The following LSAMP variants were observed in gnomAD, a reference collection of about 807,000 sequenced individuals.
The protein encoded by LSAMP is limbic system-associated membrane protein.
Under a neutral mutation model 38.6 loss-of-function variants are expected in LSAMP, and 7 were observed. The ratio of observed to expected loss-of-function variants is 0.18; its 90% CI spans 0.10 to 0.34. The LOEUF is 0.34. LSAMP is among the 10% of genes least tolerant of loss of function. The pLI is 1.00. For synonymous variants in LSAMP, 154 were observed against 166.8 expected (o/e 0.92, Z 0.59); for missense variants, 313 against 420.0 (o/e 0.75, Z 2.23).
At chr3:116,255,273 T>G (rs1323619882) in intron 1 of LSAMP, among the ~76,000 whole-genome samples, 1 of 152,094 alleles carries the variant, frequency 6.6e-6, no homozygotes, top group Non-Finnish European at 1.5e-5. Flanking sequence ...AAAAGGGCAG[T>G]TATATTTTAT....
At chr3:115,873,675 A>G (rs1473008492) in intron 3 of LSAMP, among the ~76,000 whole-genome samples, 1 of 152,164 alleles carries the variant, frequency 6.6e-6, no homozygotes, top group Non-Finnish European at 1.5e-5. Context: ...AACTTTTACC[A>G]AGTTACAGAA....
At chr3:115,909,624 T>C (rs984536649) in intron 3 of LSAMP, among the ~76,000 whole-genome samples, 4 of 152,224 alleles carry the variant, frequency 2.6e-5, no homozygotes, top group African/African-American at 7.2e-5. Context: ...TTTATTTAAA[T>C]CAAGAAATGC....
chr3:116,274,918 TTA>T (rs1254306768), intron 1 of LSAMP, among the ~76,000 whole-genome samples: 1 of 146,974 alleles, frequency 6.8e-6, no homozygotes, highest in Non-Finnish European at 1.5e-5. Context: ...AAGTATATTT[TTA>T]TAATTCAGAG....
At chr3:115,826,381 C>T (rs1413391928) in intron 6 of LSAMP, among the ~76,000 whole-genome samples, 5 of 152,132 alleles carry the variant, frequency 3.3e-5, no homozygotes, top group Admixed American at 6.5e-5. Flanking sequence ...GCTGGGATTA[C>T]AGGCATGAGC....
At chr3:115,828,231 G>T (rs1934489180) in intron 6 of LSAMP, among the ~76,000 whole-genome samples, 1 of 152,138 alleles carries the variant, frequency 6.6e-6, no homozygotes, top group Non-Finnish European at 1.5e-5. Context: ...AGGAGCCAAG[G>T]AACAGGTTAA....
chr3:116,215,696 A>C (rs1419571810), intron 1 of LSAMP, among the ~76,000 whole-genome samples: 2 of 152,158 alleles, frequency 1.3e-5, no homozygotes, highest in Admixed American at 1.3e-4. Flanking sequence ...TAATTAGAGA[A>C]GACTCCTTGA....
intron 3 of LSAMP, among the ~76,000 whole-genome samples, chr3:115,895,559 C>A (rs1167526017): frequency 1.3e-5 from 2 of 151,982 alleles, no homozygotes; most frequent in Admixed American, 1.3e-4. Flanking sequence ...CAGTATAAGA[C>A]CCCTTTGCTG....
At chr3:116,327,913 C>G (rs1220532075) in intron 1 of LSAMP, among the ~76,000 whole-genome samples, 5 of 152,126 alleles carry the variant, frequency 3.3e-5, no homozygotes, top group African/African-American at 9.7e-5. Context: ...TGAGATATTA[C>G]AAACGGTCAG....
rs539230980 is a variant in LSAMP at position 115,894,398 on chromosome 3, A to G, written c.515-41781T>C. Among the ~76,000 whole-genome samples, 27 of 152,118 alleles carry G rather than the reference A, an allele frequency of 1.8e-4. No homozygotes were observed. In the South Asian group the frequency reaches 5.6e-3, roughly 32 times the overall value. On this transcript the variant is annotated intron_variant, in intron 3 of 6. Coordinates refer to ENST00000490035, the MANE Select transcript of LSAMP (RefSeq NM_002338.5). ...CTCACAATGCATGAACTGGCCCAAG[A>G]CCCTCGGTACTCTCTGGATGAAGGA...
chr3:116,219,833 A>G (rs1363685645), intron 1 of LSAMP, among the ~76,000 whole-genome samples: 1 of 152,194 alleles, frequency 6.6e-6, no homozygotes, highest in Non-Finnish European at 1.5e-5. Context: ...CAAATAGGAC[A>G]TAAAAATGAC....
chr3:115,898,217 T>G (rs184897999), intron 3 of LSAMP, among the ~76,000 whole-genome samples: 374 of 152,286 alleles, frequency 2.5e-3, no homozygotes, highest in African/African-American at 8.6e-3. Context: ...AAGATAAATT[T>G]AGGAAACACT....
At chr3:116,169,792 T>C (rs1342215216) in intron 1 of LSAMP, among the ~76,000 whole-genome samples, 1 of 152,230 alleles carries the variant, frequency 6.6e-6, no homozygotes. Flanking sequence ...TAAATCTAAT[T>C]GACTTTTCTC....
intron 3 of LSAMP, among the ~76,000 whole-genome samples, chr3:115,870,987 A>G (rs1252892835): frequency 1.3e-5 from 2 of 152,180 alleles, no homozygotes; most frequent in Non-Finnish European, 2.9e-5. Flanking sequence ...AACTCATTAC[A>G]TGAAATCACA....
Position 116,223,354 on chromosome 3 carries a change from G to A in LSAMP, c.156-136798C>T, listed in dbSNP as rs183934215. ...TTATTGAGCACTTACACTATACCAG[G>A]AACTGTTTTAACCAGTCAAAAATTA... On this transcript the variant is annotated intron_variant, in intron 1 of 6. Coordinates refer to ENST00000490035, the MANE Select transcript of LSAMP (RefSeq NM_002338.5). Among the ~76,000 whole-genome samples the A allele has an allele frequency of 1.8e-4, 28 of 152,208 alleles. No homozygotes were observed. The East Asian group carries it at 4.4e-3, about 24-fold the overall frequency.
chr3:116,051,897 T>C (rs1311415438), intron 2 of LSAMP, among the ~76,000 whole-genome samples: 1 of 152,164 alleles, frequency 6.6e-6, no homozygotes, highest in Non-Finnish European at 1.5e-5. Flanking sequence ...GGAATACTAG[T>C]GGAACAGCTG....
intron 1 of LSAMP, among the ~76,000 whole-genome samples, chr3:116,289,395 T>C (rs2047234319): frequency 6.6e-6 from 1 of 152,238 alleles, no homozygotes; most frequent in Admixed American, 6.5e-5. Context: ...AATTTCTACC[T>C]GTATTTAACT....
intron 1 of LSAMP, among the ~76,000 whole-genome samples, chr3:116,111,572 G>A (rs1176049739): frequency 6.6e-6 from 1 of 152,032 alleles, no homozygotes; most frequent in African/African-American, 2.4e-5. Flanking sequence ...TTTTCATAAA[G>A]TGATATGGTT....
chr3:116,392,307 C>T (rs976682677), intron 1 of LSAMP, among the ~76,000 whole-genome samples: 5 of 152,198 alleles, frequency 3.3e-5, no homozygotes, highest in African/African-American at 1.2e-4. Context: ...GGAAGGTCCT[C>T]CTACCTCCCA....
chr3:116,173,454 T>C (rs1710254638), intron 1 of LSAMP, among the ~76,000 whole-genome samples: 1 of 152,062 alleles, frequency 6.6e-6, no homozygotes, highest in Non-Finnish European at 1.5e-5. Context: ...CTCTAGAATT[T>C]ATAATCCAGT....
Sources: allele counts gnomAD v4.1 joint callset (sites outside exome capture counted in the v4.1 genomes callset), GRCh38; gene constraint gnomAD v4.1.1; transcripts MANE v1.5; gene names NCBI Gene and HGNC (gene_info 2026-07-23, HGNC 2026-07-21).